The following TBC1D5 variants were observed in gnomAD, a reference collection of about 807,000 sequenced individuals.
TBC1D5 encodes TBC1 domain family, member 5.
A neutral mutation model predicts 100.3 loss-of-function variants in TBC1D5; 75 were observed. That is an observed-to-expected ratio of 0.75 (90% confidence interval 0.62 to 0.91). TBC1D5 has a LOEUF of 0.91. Ranked by LOEUF, TBC1D5 falls within the 40% of genes least tolerant of loss-of-function variation. The pLI is 0.00. For missense variants in TBC1D5, 910 were observed against 942.4 expected, an observed-to-expected ratio of 0.97 and a Z score of 0.45; for synonymous variants, 323 against 325.6, an observed-to-expected ratio of 0.99 and a Z score of 0.09.
chr3:17,615,877 C>T lies in TBC1D5; in HGVS notation c.-36+7972G>A, dbSNP rs969751071. 2.6e-5 allele frequency among the ~76,000 whole-genome samples: 4 copies of T among 152,072 alleles called. No homozygotes were observed. In the East Asian group the frequency reaches 7.7e-4, roughly 29 times the overall value. Reference sequence around the variant, plus strand: ...GCATTTTTTGAAGCATTTTTTGTGTCTCTATCTCCTTCAGTTCTTCTCTGA... The same window carrying T: ...GCATTTTTTGAAGCATTTTTTGTGTTTCTATCTCCTTCAGTTCTTCTCTGA... On this transcript the variant is annotated intron_variant, in intron 2 of 21. Transcript: ENST00000253692.
intron 3 of TBC1D5, among the ~76,000 whole-genome samples, chr3:17,501,590 A>G (rs1363660895): frequency 6.8e-6 from 1 of 147,916 alleles, no homozygotes; most frequent in Non-Finnish European, 1.5e-5. Context: ...TTCTCCCTTG[A>G]CTCCATCCCT....
At chr3:17,293,571 A>T (rs17029242) in intron 14 of TBC1D5, among the ~76,000 whole-genome samples, 1 of 152,176 alleles carries the variant, frequency 6.6e-6, no homozygotes, top group African/African-American at 2.4e-5. Context: ...AAACCAGTTC[A>T]GGTAACCTCT....
chr3:17,346,428 T>A (rs1324059242), intron 13 of TBC1D5, among the ~76,000 whole-genome samples: 1 of 152,276 alleles, frequency 6.6e-6, no homozygotes, highest in Non-Finnish European at 1.5e-5. Context: ...CCTGCCCATT[T>A]TTCTATTCAG....
chr3:17,497,277 T>A (rs1576364944), intron 3 of TBC1D5, among the ~76,000 whole-genome samples: 1 of 152,202 alleles, frequency 6.6e-6, no homozygotes, highest in Non-Finnish European at 1.5e-5. Flanking sequence ...CTATTTTAAT[T>A]CTTTGCATGG....
intron 18 of TBC1D5, among the ~76,000 whole-genome samples, chr3:17,189,442 C>T (rs1394188684): frequency 1.3e-5 from 2 of 152,108 alleles, no homozygotes; most frequent in Non-Finnish European, 2.9e-5. Context: ...GCAACATCAC[C>T]AATTGTAATT....
intron 13 of TBC1D5, among the ~76,000 whole-genome samples, chr3:17,347,494 T>G (rs747479361): frequency 7.2e-5 from 11 of 151,990 alleles, no homozygotes; most frequent in Non-Finnish European, 1.5e-4. Flanking sequence ...CAAATTAAAT[T>G]AAAAAAAATT....
intron 3 of TBC1D5, among the ~76,000 whole-genome samples, chr3:17,487,021 T>C (rs562659656): frequency 2.0e-5 from 3 of 152,174 alleles, no homozygotes; most frequent in Non-Finnish European, 4.4e-5. Context: ...TTCAGTAACA[T>C]AGTGATAGTT....
intron 15 of TBC1D5, among the ~76,000 whole-genome samples, chr3:17,263,031 A>C (rs1054447395): frequency 6.6e-6 from 1 of 151,952 alleles, no homozygotes; most frequent in Non-Finnish European, 1.5e-5. Flanking sequence ...GTTTGAGACC[A>C]GACTGGGCAA....
At chr3:17,420,094 GGGTCTGT>G (rs1352261280) in intron 4 of TBC1D5, among the ~76,000 whole-genome samples, 1 of 152,016 alleles carries the variant, frequency 6.6e-6, no homozygotes, top group Non-Finnish European at 1.5e-5. Context: ...CCCAAGGGCA[GGGTCTGT>G]GTTTAACTCC....
chr3:17,383,577 T>A (rs912111086), intron 9 of TBC1D5, among the ~76,000 whole-genome samples: 3 of 152,082 alleles, frequency 2.0e-5, no homozygotes, highest in African/African-American at 7.2e-5. Context: ...TTATAAATGC[T>A]ATACTTAAAA....
intron 2 of TBC1D5, among the ~76,000 whole-genome samples, chr3:17,554,127 A>G (rs953439521): frequency 2.0e-5 from 3 of 152,260 alleles, no homozygotes; most frequent in Non-Finnish European, 2.9e-5. Flanking sequence ...CTACAGCACC[A>G]TAACATATTT....
intron 16 of TBC1D5, among the ~76,000 whole-genome samples, chr3:17,252,380 C>T (rs1014590844): frequency 2.0e-5 from 3 of 152,090 alleles, no homozygotes; most frequent in African/African-American, 7.2e-5. Context: ...TTCCTCTGCC[C>T]CGACAGAGCC....
At chr3:17,231,242 G>A (rs550805801) in intron 17 of TBC1D5, among the ~76,000 whole-genome samples, 95 of 152,194 alleles carry the variant, frequency 6.2e-4, no homozygotes, top group Middle Eastern at 3.4e-3. Context: ...GGGTAAGTAT[G>A]CAATTTCTAA....
chr3:17,414,357 T>C (rs1203209138), intron 4 of TBC1D5, among the ~76,000 whole-genome samples: 1 of 152,212 alleles, frequency 6.6e-6, no homozygotes, highest in East Asian at 1.9e-4. Context: ...ATGATCCATT[T>C]ATTTTATCAA....
Position 17,598,007 on chromosome 3 carries a change from C to T in TBC1D5, c.-36+25842G>A, listed in dbSNP as rs375223114. Among the ~76,000 whole-genome samples the T allele has an allele frequency of 3.3e-3, 496 of 150,832 alleles. 2 individuals are homozygous for T. Among genetic ancestry groups the T allele is most frequent in the South Asian group, 7.8e-3 (37 of 4,740 alleles). ...ATAAGGTAGCCATTCCCTGCCCCCC[C>T]GCCCCCCAACCCCAGCCCATCACTC... On this transcript the variant is annotated intron_variant, in intron 2 of 21. Coordinates refer to ENST00000253692, the Ensembl canonical transcript of TBC1D5.
chr3:17,438,630 C>A (rs964154351), intron 3 of TBC1D5, among the ~76,000 whole-genome samples: 4 of 152,268 alleles, frequency 2.6e-5, no homozygotes, highest in Admixed American at 2.0e-4. Context: ...GTCAATTAAA[C>A]CTCTTTCCTT....
chr3:17,374,792 TTA>T (rs1162658428), intron 10 of TBC1D5, 113 bp from the exon 11 acceptor site: 1 of 1,012,304 alleles, frequency 9.9e-7, no homozygotes, highest in Non-Finnish European at 1.4e-6. Context: ...ACGAAAAAAA[TTA>T]GTCTTTTTTA....
At chr3:17,339,419 C>A (rs932069244) in intron 13 of TBC1D5, among the ~76,000 whole-genome samples, 8 of 152,182 alleles carry the variant, frequency 5.3e-5, no homozygotes, top group African/African-American at 1.9e-4. Flanking sequence ...AAATTTTTCA[C>A]GTGGCATCCG....
intron 2 of TBC1D5, among the ~76,000 whole-genome samples, chr3:17,509,302 G>A (rs1168867237): frequency 6.6e-6 from 1 of 151,678 alleles, no homozygotes; most frequent in Non-Finnish European, 1.5e-5. Flanking sequence ...ACTACAAACA[G>A]TCTCAAAAAT....
Sources: allele counts gnomAD v4.1 joint callset (sites outside exome capture counted in the v4.1 genomes callset), GRCh38; gene constraint gnomAD v4.1.1; transcripts MANE v1.5; gene names NCBI Gene and HGNC (gene_info 2026-07-23, HGNC 2026-07-21).